ASAP1: variants seen among roughly 807,000 people sequenced by gnomAD.
ASAP1 encodes arf-GAP with SH3 domain, ANK repeat and PH domain-containing protein 1.
In ASAP1, 43 loss-of-function variants were observed where a neutral mutation model predicts 145.2. That is an observed-to-expected ratio of 0.30 (90% confidence interval 0.23 to 0.38). The LOEUF (loss-of-function observed/expected upper bound fraction) is 0.38. Ranked by LOEUF, ASAP1 falls within the 10% of genes least tolerant of loss-of-function variation. ASAP1 has a pLI of 1.00. For synonymous variants in ASAP1, 546 were observed against 515.5 expected (o/e 1.06, Z -0.80); for missense variants, 1,018 against 1,355.3 (o/e 0.75, Z 3.91).
At chr8:130,095,534 C>G (rs1261855390) in intron 24 of ASAP1, among the ~76,000 whole-genome samples, 1 of 151,664 alleles carries the variant, frequency 6.6e-6, no homozygotes, top group Non-Finnish European at 1.5e-5. Context: ...CTCCCAACCT[C>G]AAGTGATTCA....
chr8:130,100,969 ATTATGT>A (rs1480577536), intron 24 of ASAP1, among the ~76,000 whole-genome samples: 1 of 152,136 alleles, frequency 6.6e-6, no homozygotes, highest in Non-Finnish European at 1.5e-5. Flanking sequence ...AGTTTCGGGT[ATTATGT>A]TTAAGTCTTT....
chr8:130,119,161 C>A (rs1385464380), intron 18 of ASAP1, among the ~76,000 whole-genome samples: 1 of 152,124 alleles, frequency 6.6e-6, no homozygotes, highest in Non-Finnish European at 1.5e-5. Flanking sequence ...CCAGGCTGGT[C>A]TTGAACTCCT....
intron 3 of ASAP1, among the ~76,000 whole-genome samples, chr8:130,350,285 T>C (rs1034601069): frequency 3.9e-5 from 6 of 152,182 alleles, no homozygotes; most frequent in Admixed American, 2.6e-4. Context: ...CACAACCCTG[T>C]TAAACAGCAG....
rs1554816353 is a variant in ASAP1 at position 130,072,822 on chromosome 8, T to TGTGTGTGTGTGC, written c.2701+3525_2701+3526insGCACACACACAC. Among the ~76,000 whole-genome samples, 3 of 26,036 alleles carry TGTGTGTGTGTGC rather than the reference T, an allele frequency of 1.2e-4. 1 individual carries two copies. The highest frequency in any genetic ancestry group is 4.2e-4 in the African/African-American group (3 of 7,208). The allele number at this position is 26,036 out of a possible 152,430, so 17.1% of individuals were successfully genotyped here. A position where few individuals can be genotyped will look rare whatever the true frequency, so the allele number is the denominator to read the frequency against. On this transcript the variant is annotated intron_variant, in intron 27 of 29. Coordinates refer to ENST00000518721, the MANE Select transcript of ASAP1 (RefSeq NM_018482.4). ...GTGTGTGTGTGTGTGTGTGTGTGTGTGTGCGCGCGGGGGGGGGCAGTTTTG... is the reference window on the plus strand; with the variant it reads ...GTGTGTGTGTGTGTGTGTGTGTGTGTGTGTGTGTGTGCGTGCGCGCGGGGGGGGGCAGTTTTG...
At chr8:130,430,323 A>G (rs1266596764) in intron 1 of ASAP1, among the ~76,000 whole-genome samples, 1 of 152,186 alleles carries the variant, frequency 6.6e-6, no homozygotes, top group African/African-American at 2.4e-5. Context: ...GTGTGTTTGT[A>G]CGTACGTATG....
At chr8:130,198,707 A>G (rs1586576440) in intron 5 of ASAP1, among the ~76,000 whole-genome samples, 1 of 152,220 alleles carries the variant, frequency 6.6e-6, no homozygotes, top group Admixed American at 6.5e-5. Flanking sequence ...TAACTCGCCC[A>G]AGGTCAAACA....
At chr8:130,256,739 T>TTATATATGTATATATA (rs1554860125) in intron 3 of ASAP1, among the ~76,000 whole-genome samples, 1 of 95,904 alleles carries the variant, frequency 1.0e-5, no homozygotes, top group African/African-American at 4.5e-5. Flanking sequence ...ATACACATTC[T>TTATATATGTATATATA]TATATATATA....
At chr8:130,300,113 TACACACACACACACAC>T (rs373589102) in intron 3 of ASAP1, among the ~76,000 whole-genome samples, 3 of 72,894 alleles carry the variant, frequency 4.1e-5, no homozygotes, top group South Asian at 6.2e-4. Context: ...AAAAGAAAAA[TACACACACACACACAC>T]ACACACACAC....
intron 4 of ASAP1, among the ~76,000 whole-genome samples, chr8:130,234,866 A>T (rs928888259): frequency 2.6e-5 from 4 of 152,172 alleles, no homozygotes; most frequent in African/African-American, 9.7e-5. Flanking sequence ...TCTTTATAAA[A>T]TCAGGCTGGT....
intron 5 of ASAP1, among the ~76,000 whole-genome samples, chr8:130,208,380 C>T (rs79899966): frequency 0.015 from 2,354 of 152,278 alleles, 32 homozygotes; most frequent in Middle Eastern, 0.037. Flanking sequence ...TCAAACTGTT[C>T]CATCAATACA....
At chr8:130,074,594 G>A (rs894256191) in intron 27 of ASAP1, among the ~76,000 whole-genome samples, 3 of 152,254 alleles carry the variant, frequency 2.0e-5, no homozygotes, top group African/African-American at 4.8e-5. Context: ...GAAGGAAACA[G>A]CAATGCAAAA....
At chr8:130,327,836 T>G (rs761126135) in intron 3 of ASAP1, among the ~76,000 whole-genome samples, 10 of 152,198 alleles carry the variant, frequency 6.6e-5, no homozygotes, top group Non-Finnish European at 1.2e-4. Context: ...CAACTCTGAA[T>G]ATAGTTAAAA....
intron 3 of ASAP1, among the ~76,000 whole-genome samples, chr8:130,316,821 T>A (rs1324210399): frequency 6.6e-6 from 1 of 152,274 alleles, no homozygotes; most frequent in Non-Finnish European, 1.5e-5. Flanking sequence ...AAGCTTCTGT[T>A]TATTTGGGAT....
intron 6 of ASAP1, 51 bp downstream of exon 6, chr8:130,188,058 A>G (rs1814864264): frequency 2.2e-6 from 3 of 1,393,018 alleles, no homozygotes; most frequent in Non-Finnish European, 3.0e-6. Flanking sequence ...AGAGGAAAAA[A>G]AAAATTAATC....
At chr8:130,169,592 A>T (rs370147047) in intron 9 of ASAP1, among the ~76,000 whole-genome samples, 43 of 152,372 alleles carry the variant, frequency 2.8e-4, no homozygotes, top group African/African-American at 1.0e-3. Context: ...AATTCAAAGC[A>T]ATAATACCAA....
chr8:130,441,514 A>G (rs1408035745), intron 1 of ASAP1, among the ~76,000 whole-genome samples: 1 of 152,170 alleles, frequency 6.6e-6, no homozygotes, highest in African/African-American at 2.4e-5. Context: ...TACGGCTGAG[A>G]CCTAGGTGGG....
chr8:130,289,121 G>A lies in ASAP1; in HGVS notation c.187-52127C>T, dbSNP rs563724414. ...GAATCACTTGAACCCGGGAGGCATA[G>A]GTTGCAGTGAGCCAAGTTGGTGCCA... On this transcript the variant is annotated intron_variant, in intron 3 of 29. Transcript: ENST00000518721. Among the ~76,000 whole-genome samples the A allele has an allele frequency of 2.0e-5, 3 of 152,318 alleles. No homozygotes were observed. In the South Asian group the frequency reaches 6.2e-4, roughly 32 times the overall value.
chr8:130,330,845 T>C (rs1490461927), intron 3 of ASAP1, among the ~76,000 whole-genome samples: 3 of 152,228 alleles, frequency 2.0e-5, no homozygotes, highest in Non-Finnish European at 4.4e-5. Context: ...CTGAAAATTT[T>C]AGGTGAAGCC....
chr8:130,101,224 G>C lies in ASAP1; in HGVS notation c.2402-9081C>G, dbSNP rs565301923. Among the ~76,000 whole-genome samples, 10 of 152,248 alleles carry C rather than the reference G, an allele frequency of 6.6e-5. No homozygotes were observed. In the East Asian group the frequency reaches 1.9e-3, roughly 29 times the overall value. ...GAAGTCAAGTAGTGTAATGACTCCA[G>C]CTTTTTTCTTTTGGCTTAGTATTAC... On this transcript the variant is annotated intron_variant, in intron 24 of 29. Transcript: ENST00000518721.
Sources: gnomAD v4.1 joint callset for allele counts (sites outside exome capture counted in the v4.1 genomes callset) on GRCh38, gnomAD v4.1.1 for gene constraint, MANE v1.5 for transcripts, NCBI Gene and HGNC (gene_info 2026-07-23, HGNC 2026-07-21) for gene names.